Variants in CASZ1 observed in about 807,000 individuals in gnomAD.
CASZ1 encodes the protein zinc finger protein castor homolog 1.
In CASZ1, 28 loss-of-function variants were observed where a neutral mutation model predicts 135.2. The ratio of observed to expected loss-of-function variants is 0.21; its 90% confidence interval spans 0.15 to 0.28. The LOEUF (loss-of-function observed/expected upper bound fraction) is 0.28, where lower values mean the gene tolerates loss of function less well. Ranked by LOEUF, CASZ1 falls within the 10% of genes least tolerant of loss-of-function variation. The probability of loss-of-function intolerance (pLI) is 1.00; values close to 1 mark genes in which losing one functional copy is unlikely to be tolerated. For missense variants in CASZ1, 2,161 were observed against 2,453.3 expected, an observed-to-expected ratio of 0.88 and a Z score of 2.52; for synonymous variants, 1,068 against 1,073.4, an observed-to-expected ratio of 0.99 and a Z score of 0.10.
At chr1:10,783,616 T>G (rs1484554934) in intron 1 of CASZ1, among the ~76,000 whole-genome samples, 1 of 152,138 alleles carries the variant, frequency 6.6e-6, no homozygotes, top group Non-Finnish European at 1.5e-5. Context: ...CTCATGCCTG[T>G]AATCCCAGCG....
intron 11 of CASZ1, 21 bp downstream of exon 11, chr1:10,653,356 G>A (rs752425925): frequency 2.5e-6 from 4 of 1,612,418 alleles, no homozygotes; most frequent in Non-Finnish European, 3.4e-6. Flanking sequence ...CTGCTTTCTG[G>A]GCAGGACCCA....
rs980015289 is a variant in CASZ1, at chr1:10,679,821, G to C, written c.16+14053C>G. 2.0e-5 allele frequency among the ~76,000 whole-genome samples: 3 copies of C among 152,234 alleles called. No homozygotes were observed. The South Asian group carries it at 6.2e-4, about 32-fold the overall frequency. On this transcript the variant is annotated intron_variant, in intron 4 of 20. Transcript: ENST00000377022. The surrounding 1 kb of genome is among the most constrained non-coding windows in gnomAD (Gnocchi z 4.7). ...GATTAAGGATCTGCAACAGGATGTA[G>C]GGATTACAGTAAAACCTGGCTCCGG... is the stretch of plus-strand genomic sequence containing the variant.
At chr1:10,728,693 A>C (rs1639639904) in intron 2 of CASZ1, among the ~76,000 whole-genome samples, 1 of 151,912 alleles carries the variant, frequency 6.6e-6, no homozygotes, top group South Asian at 2.1e-4. Context: ...CGGCTTGAAA[A>C]AAAGCCTCGT....
chr1:10,792,233 T>C (rs1199472245), intron 1 of CASZ1, among the ~76,000 whole-genome samples: 2 of 147,256 alleles, frequency 1.4e-5, no homozygotes, highest in Non-Finnish European at 3.0e-5. Context: ...TTTTTTTTTT[T>C]AAGTGTGCTC....
intron 2 of CASZ1, among the ~76,000 whole-genome samples, chr1:10,710,047 T>C (rs1639257256): frequency 6.6e-6 from 1 of 152,156 alleles, no homozygotes; most frequent in East Asian, 1.9e-4. Flanking sequence ...AAAGTCTACA[T>C]AGGGTCAAGA....
chr1:10,764,553 G>A (rs1000346383), intron 1 of CASZ1, among the ~76,000 whole-genome samples: 3 of 152,184 alleles, frequency 2.0e-5, no homozygotes, highest in African/African-American at 4.8e-5. Flanking sequence ...TAGGGAGGGC[G>A]GGCATGGAGA....
chr1:10,702,006 G>T (rs1639071829), intron 3 of CASZ1, among the ~76,000 whole-genome samples: 1 of 152,234 alleles, frequency 6.6e-6, no homozygotes, highest in Admixed American at 6.5e-5. Context: ...GTCTTCCTTT[G>T]CGGACAGCAG....
At chr1:10,712,191 C>T (rs1639299745) in intron 2 of CASZ1, among the ~76,000 whole-genome samples, 2 of 151,634 alleles carry the variant, frequency 1.3e-5, no homozygotes, top group African/African-American at 4.9e-5. Flanking sequence ...ACTAAAAATA[C>T]AAAAAGTAGC....
In CASZ1 at chr1:10,755,083, G is replaced by A. The variant is rs1445396383; in HGVS notation, c.-77+5618C>T. On this transcript the variant is annotated intron_variant, in intron 2 of 20. Coordinates refer to ENST00000377022, the MANE Select transcript of CASZ1 (RefSeq NM_001079843.3). This position sits in a 1 kb window ranked among gnomAD's most constrained non-coding sequence, Gnocchi z 4.3. ...CTCAGGTGGTGAGTGGAAGGGGAGC[G>A]ACCCCCAGGCCTGAAGGGCAGAGAG... Among the ~76,000 whole-genome samples the A allele has an allele frequency of 1.3e-5, 2 of 152,216 alleles. No homozygotes were observed. Among genetic ancestry groups the A allele is most frequent in the Admixed American group, 6.5e-5 (1 of 15,292 alleles).
In CASZ1 at chr1:10,725,312, G is replaced by A. The variant is rs888556006; in HGVS notation, c.-76-19768C>T. Among the ~76,000 whole-genome samples, 23 of 152,336 alleles carry A rather than the reference G, an allele frequency of 1.5e-4. No individual in the cohort carries two copies. Among genetic ancestry groups the A allele is most frequent in the African/African-American group, 5.1e-4 (21 of 41,578 alleles). On this transcript the variant is annotated intron_variant, in intron 2 of 20. Transcript: ENST00000377022. The surrounding 1 kb of genome is among the most constrained non-coding windows in gnomAD (Gnocchi z 4.4). ...AATGCCAACACCGTGGCCGCCTCCCGCTGCATGCGTGTGGCTGTCAGCTGA... is the reference window on the plus strand; with the variant it reads ...AATGCCAACACCGTGGCCGCCTCCCACTGCATGCGTGTGGCTGTCAGCTGA...
chr1:10,742,846 A>G (rs1033962740), intron 2 of CASZ1, among the ~76,000 whole-genome samples: 1 of 152,098 alleles, frequency 6.6e-6, no homozygotes, highest in Non-Finnish European at 1.5e-5. Context: ...TTAGCCAGGC[A>G]TGGTGGCACA....
rs1639862076 is a variant in CASZ1, at chr1:10,739,082, A to T, written c.-77+21619T>A. Reference sequence around the variant, plus strand: ...GCTTCTTATTGAGTTCTTTTTTAAAATTTTGCTGGGGGTCCGGGGGAAGAA... The same window carrying T: ...GCTTCTTATTGAGTTCTTTTTTAAATTTTTGCTGGGGGTCCGGGGGAAGAA... On this transcript the variant is annotated intron_variant, in intron 2 of 20. Coordinates refer to ENST00000377022, the MANE Select transcript of CASZ1 (RefSeq NM_001079843.3). This position sits in a 1 kb window ranked among gnomAD's most constrained non-coding sequence, Gnocchi z 4.8. 6.6e-6 allele frequency among the ~76,000 whole-genome samples: 1 copy of T among 152,032 alleles called. No individual in the cohort carries two copies. Among genetic ancestry groups the T allele is most frequent in the Non-Finnish European group, 1.5e-5 (1 of 67,994 alleles).
rs1289618726 is a variant in CASZ1, at chr1:10,639,049, C to T, written c.5173G>A (p.Glu1725Lys). Residue 1725 changes from glutamate (E) to lysine (K), a missense_variant, in exon 21 of 21, where the codon GAG (glutamate) becomes AAG (lysine). This residue lies in a region of CASZ1 where 185 missense variants were observed against 134.7 expected (regional missense o/e 1.37). Coordinates refer to ENST00000377022, the MANE Select transcript of CASZ1 (RefSeq NM_001079843.3). This position sits in a 1 kb window ranked among gnomAD's most constrained non-coding sequence, Gnocchi z 4.0. ...GCGCCCGCCGCCTCCGCCGCCGCCT[C>T]GGGCAGCGACTCCTCCGAGTCGGTG... is the stretch of plus-strand genomic sequence containing the variant. Reference protein sequence around the residue: ...LRTDSEESLPEAAAEAAGAGA... With the variant: ...LRTDSEESLPKAAAEAAGAGA... 1.9e-6 allele frequency: 2 copies of T among 1,069,610 alleles called. No individual in the cohort carries two copies. The highest frequency in any genetic ancestry group is 2.3e-6 in the Non-Finnish European group (2 of 868,970). The allele number at this position is 1,069,610 out of a possible 1,614,324, so 66.3% of individuals were successfully genotyped here.
rs1335127081 is a variant in CASZ1, at chr1:10,767,936, T to C, written c.-233-7079A>G. On this transcript the variant is annotated intron_variant, in intron 1 of 20. Transcript: ENST00000377022. This position sits in a 1 kb window ranked among gnomAD's most constrained non-coding sequence, Gnocchi z 4.2. ...CTAGTCACAGGAGGGTCACCCACCA[T>C]TGCAAGGTCTTCCTGGAGCAGACCC... Among the ~76,000 whole-genome samples the C allele has an allele frequency of 1.3e-5, 2 of 152,124 alleles. No homozygotes were observed. Among genetic ancestry groups the C allele is most frequent in the Non-Finnish European group, 2.9e-5 (2 of 68,010 alleles).
At position 10,741,990 on chromosome 1, in the gene CASZ1, C is replaced by T. The variant is rs372982150; in HGVS notation, c.-77+18711G>A. ...GACACGGACCCCTCACCGCTTCTCA[C>T]GTGCCCCCAGCCGCAACCCCACCAC... is the stretch of plus-strand genomic sequence containing the variant. On this transcript the variant is annotated intron_variant, in intron 2 of 20. Transcript: ENST00000377022. This position sits in a 1 kb window ranked among gnomAD's most constrained non-coding sequence, Gnocchi z 5.0. 1.1e-4 allele frequency among the ~76,000 whole-genome samples: 16 copies of T among 152,060 alleles called. No individual in the cohort carries two copies. Among genetic ancestry groups the T allele is most frequent in the East Asian group, 1.9e-4 (1 of 5,186 alleles).
intron 2 of CASZ1, among the ~76,000 whole-genome samples, chr1:10,708,739 A>C (rs1005327711): frequency 3.3e-5 from 5 of 152,058 alleles, no homozygotes; most frequent in Non-Finnish European, 5.9e-5. Flanking sequence ...CAAACCAATT[A>C]AAACTAATCA....
Position 10,739,698 on chromosome 1 carries a change from T to C in CASZ1, c.-77+21003A>G, listed in dbSNP as rs1049469330. ...AAATGTCCCGGCCAGGGTGGCTCTG[T>C]GTCAAAGGCCCTGCAGCTCCTCCCT... is the stretch of plus-strand genomic sequence containing the variant. On this transcript the variant is annotated intron_variant, in intron 2 of 20. Coordinates refer to ENST00000377022, the MANE Select transcript of CASZ1 (RefSeq NM_001079843.3). The surrounding 1 kb of genome is among the most constrained non-coding windows in gnomAD (Gnocchi z 4.8). Among the ~76,000 whole-genome samples the C allele has an allele frequency of 6.6e-6, 1 of 152,202 alleles. No homozygotes were observed. The highest frequency in any genetic ancestry group is 1.5e-5 in the Non-Finnish European group (1 of 68,032).
At chr1:10,714,546 AC>A (rs1038860270) in intron 2 of CASZ1, among the ~76,000 whole-genome samples, 12 of 151,710 alleles carry the variant, frequency 7.9e-5, no homozygotes, top group Non-Finnish European at 1.3e-4. Flanking sequence ...GCTGACGGGC[AC>A]CCCCCGCCAC....
At chr1:10,650,565 T>G in intron 13 of CASZ1, 127 bp downstream of exon 13, 1 of 746,250 alleles carries the variant, frequency 1.3e-6, no homozygotes, top group Non-Finnish European at 2.3e-6. Flanking sequence ...GGCCTCAAAA[T>G]TTAAATGGTA....
Sources: allele counts gnomAD v4.1 joint callset (sites outside exome capture counted in the v4.1 genomes callset), GRCh38; gene constraint gnomAD v4.1.1; regional missense constraint gnomAD v4.1.1; non-coding constraint Gnocchi (gnomAD v3.1); transcripts MANE v1.5; gene names NCBI Gene and HGNC (gene_info 2026-07-23, HGNC 2026-07-21).